The following FSD2 variants were observed in gnomAD, a reference collection of about 807,000 sequenced individuals.
FSD2 encodes the protein fibronectin type III and SPRY domain-containing protein 2.
FSD2 carries 71 observed loss-of-function variants against 80.4 expected under a neutral mutation model. The ratio of observed to expected loss-of-function variants is 0.88; its 90% CI spans 0.73 to 1.08. The LOEUF (loss-of-function observed/expected upper bound fraction) is 1.08. Ranked by LOEUF, FSD2 falls within the 50% of genes least tolerant of loss-of-function variation. The pLI, the probability that FSD2 is intolerant of heterozygous loss-of-function variation, is 0.00. For missense variants in FSD2, 923 were observed against 913.8 expected, an observed-to-expected ratio of 1.01 and a Z score of -0.13; for synonymous variants, 361 against 329.5, an observed-to-expected ratio of 1.10 and a Z score of -1.03.
Position 82,791,464 on chromosome 15 carries a change from G to A in FSD2, c.-78-3996C>T, listed in dbSNP as rs1033506626. 4.6e-5 allele frequency among the ~76,000 whole-genome samples: 7 copies of A among 151,848 alleles called. No individual in the cohort carries two copies. The East Asian group carries it at 5.8e-4, about 13-fold the overall frequency. The stretch of plus-strand genomic sequence containing the variant: ...TGGCTCACTGCAACCTCTGCCTCCC[G>A]GGCTCAGGTGATCCTCCCACCTCAG... On this transcript the variant is annotated intron_variant, in intron 1 of 12. Transcript: ENST00000334574.
In FSD2 at chr15:82,786,425, C is replaced by A. The variant is rs990112608; in HGVS notation, c.735+86G>T. ...CCCTCACATTCTAAGAAAACAGATT[C>A]TCTAGCTCATACCAGAAACAGCTGC... On this transcript the variant is annotated intron_variant, in intron 3 of 12. Coordinates refer to ENST00000334574, the MANE Select transcript of FSD2 (RefSeq NM_001007122.4). 3.9e-6 allele frequency: 4 copies of A among 1,022,852 alleles called. No homozygotes were observed. The African/African-American group carries it at 4.8e-5, about 12-fold the overall frequency. 63.4% of individuals were successfully genotyped at this position (1,022,852 alleles called of 1,614,324 possible).
chr15:82,784,250 A>T lies in FSD2; in HGVS notation c.736-1225T>A, dbSNP rs563365850. 9.5e-4 allele frequency among the ~76,000 whole-genome samples: 125 copies of T among 132,072 alleles called. 1 individual carries two copies. The highest frequency in any genetic ancestry group is 2.3e-3 in the Admixed American group (31 of 13,418). The allele number at this position is 132,072 out of a possible 152,430, so 86.6% of individuals were successfully genotyped here. ...GAAGTTTTTTATTTTATTTTATTTTATTTTATTTTTTTTTTATGGAGCCTC... is the reference window on the plus strand; with the variant it reads ...GAAGTTTTTTATTTTATTTTATTTTTTTTTATTTTTTTTTTATGGAGCCTC... On this transcript the variant is annotated intron_variant, in intron 3 of 12. Transcript: ENST00000334574.
rs765614257 is a variant in FSD2 at position 82,760,013 on chromosome 15, C to T, written c.1998-413G>A. On this transcript the variant is annotated intron_variant, in intron 12 of 12. Transcript: ENST00000334574. ...TTCACTGTGTTGCCCAGGCTGGTCT[C>T]GAACTCCTGAGCTCAGGCAGTCCAC... is the stretch of plus-strand genomic sequence containing the variant. Among the ~76,000 whole-genome samples, 194 of 152,202 alleles carry T rather than the reference C, an allele frequency of 1.3e-3. 1 individual carries two copies. The highest frequency in any genetic ancestry group is 1.3e-3 in the African/African-American group (52 of 41,524).
intron 1 of FSD2, among the ~76,000 whole-genome samples, chr15:82,802,322 T>C (rs2050433835): frequency 6.6e-6 from 1 of 152,188 alleles, no homozygotes; most frequent in African/African-American, 2.4e-5. Flanking sequence ...CTTTAGCCCA[T>C]GTTTCCCTCC....
At chr15:82,794,826 G>A (rs910260287) in intron 1 of FSD2, among the ~76,000 whole-genome samples, 3 of 151,114 alleles carry the variant, frequency 2.0e-5, no homozygotes, top group African/African-American at 2.4e-5. Context: ...CCAGGTTCAC[G>A]CCATTCTCCT....
intron 6 of FSD2, 26 bp downstream of exon 6, chr15:82,778,740 C>A: frequency 6.3e-7 from 1 of 1,579,230 alleles, no homozygotes; most frequent in Non-Finnish European, 8.6e-7. Context: ...CTGAACCTGC[C>A]GCGAAGTACA....
intron 4 of FSD2, among the ~76,000 whole-genome samples, chr15:82,781,895 T>A (rs1253061805): frequency 2.8e-5 from 4 of 141,886 alleles, no homozygotes; most frequent in African/African-American, 1.0e-4. Flanking sequence ...CCGTCTCTAC[T>A]AAAAAAAAAA....
chr15:82,795,331 T>C (rs1300785068), intron 1 of FSD2, among the ~76,000 whole-genome samples: 1 of 152,174 alleles, frequency 6.6e-6, no homozygotes, highest in Non-Finnish European at 1.5e-5. Context: ...TGATTTTTTT[T>C]TCCATATAAC....
At chr15:82,783,909 CA>C (rs1450569153) in intron 3 of FSD2, among the ~76,000 whole-genome samples, 1 of 152,114 alleles carries the variant, frequency 6.6e-6, no homozygotes, top group African/African-American at 2.4e-5. Context: ...AGGGTTCTGA[CA>C]ATATTAATCC....
intron 1 of FSD2, among the ~76,000 whole-genome samples, chr15:82,790,870 C>T (rs1258420021): frequency 1.3e-5 from 2 of 151,272 alleles, no homozygotes; most frequent in African/African-American, 4.9e-5. Context: ...CAGGTGTGAG[C>T]CACCACGCCC....
At chr15:82,778,727 A>T in intron 6 of FSD2, 39 bp downstream of exon 6, 1 of 1,558,126 alleles carries the variant, frequency 6.4e-7, no homozygotes, top group Non-Finnish European at 8.7e-7. Context: ...AGCTCTGGGT[A>T]GTCTGAACCT....
At chr15:82,782,695 A>G (rs2049896828) in intron 4 of FSD2, 100 bp downstream of exon 4, 17 of 981,132 alleles carry the variant, frequency 1.7e-5, no homozygotes, top group Non-Finnish European at 2.3e-5. Context: ...TCCAGGAGGA[A>G]AGAGGACAAC....
intron 7 of FSD2, among the ~76,000 whole-genome samples, chr15:82,770,845 T>G (rs2049550964): frequency 6.6e-6 from 1 of 152,128 alleles, no homozygotes; most frequent in South Asian, 2.1e-4. Context: ...ATTTCCTTTA[T>G]AGTAAAAATG....
chr15:82,761,632 G>A (rs530896248), intron 12 of FSD2, among the ~76,000 whole-genome samples: 2 of 151,380 alleles, frequency 1.3e-5, no homozygotes, highest in Admixed American at 6.6e-5. Context: ...TTGCTGTGAG[G>A]TGTGGTCTTC....
At chr15:82,790,732 T>G (rs575602264) in intron 1 of FSD2, among the ~76,000 whole-genome samples, 5 of 141,582 alleles carry the variant, frequency 3.5e-5, no homozygotes, top group South Asian at 2.2e-4. Flanking sequence ...CCCGCCACCA[T>G]GCCCAGCTAA....
chr15:82,786,614 A>G lies in FSD2; in HGVS notation c.640-8T>C. 1.9e-6 allele frequency: 3 copies of G among 1,610,930 alleles called. No homozygotes were observed. The highest frequency in any genetic ancestry group is 3.3e-4 in the Middle Eastern group (2 of 6,060). On this transcript the variant is annotated splice_region_variant and splice_polypyrimidine_tract_variant and intron_variant, in intron 2 of 12. Transcript: ENST00000334574. Reference sequence around the variant, plus strand: ...GTTTTTGTGAATTTCATCCTATCCAACAGAGGATCACAAAGAAGGTATTAA... The same window carrying G: ...GTTTTTGTGAATTTCATCCTATCCAGCAGAGGATCACAAAGAAGGTATTAA...
At chr15:82,793,905 A>T (rs1420065430) in intron 1 of FSD2, among the ~76,000 whole-genome samples, 1 of 151,832 alleles carries the variant, frequency 6.6e-6, no homozygotes, top group Non-Finnish European at 1.5e-5. Context: ...CAAACCTCTG[A>T]CTAGAGGTTT....
intron 11 of FSD2, 51 bp downstream of exon 11, chr15:82,765,115 T>C (rs1176795665): frequency 6.5e-7 from 1 of 1,542,820 alleles, no homozygotes; most frequent in Non-Finnish European, 8.7e-7. Flanking sequence ...TGAATAACAG[T>C]GCACCTTCGG....
intron 1 of FSD2, among the ~76,000 whole-genome samples, chr15:82,799,246 G>A (rs2050352781): frequency 6.6e-6 from 1 of 152,180 alleles, no homozygotes; most frequent in South Asian, 2.1e-4. Flanking sequence ...CATGGACCCT[G>A]TCTGGTGCTC....
Sources: allele counts gnomAD v4.1 joint callset (sites outside exome capture counted in the v4.1 genomes callset), GRCh38; gene constraint gnomAD v4.1.1; transcripts MANE v1.5; gene names NCBI Gene and HGNC (gene_info 2026-07-23, HGNC 2026-07-21).